HDAC9: variants seen among roughly 807,000 people sequenced by gnomAD.
The protein encoded by HDAC9 is histone deacetylase 9.
HDAC9 carries 41 observed loss-of-function variants against 139.4 expected under a neutral mutation model. The ratio of observed to expected loss-of-function variants is 0.29; its 90% CI spans 0.23 to 0.38. The LOEUF (loss-of-function observed/expected upper bound fraction) is 0.38. HDAC9 is among the 10% of genes least tolerant of loss of function. The pLI, the probability that HDAC9 is intolerant of heterozygous loss-of-function variation, is 1.00. For missense variants in HDAC9, 1,147 were observed against 1,297.0 expected, an observed-to-expected ratio of 0.88 and a Z score of 1.78; for synonymous variants, 517 against 476.2, an observed-to-expected ratio of 1.09 and a Z score of -1.12.
At position 18,997,863 on chromosome 7, in the gene HDAC9, ACTT is replaced by A. The variant is rs1786554035; in HGVS notation, c.*1805_*1807del. 1 of 152,136 alleles carries A rather than the reference ACTT, an allele frequency of 6.6e-6. No homozygotes were observed. Among genetic ancestry groups the A allele is most frequent in the African/African-American group, 2.4e-5 (1 of 41,450 alleles). The allele number at this position is 152,136 out of a possible 1,614,324, so 9.4% of individuals were successfully genotyped here. A position where few individuals can be genotyped will look rare whatever the true frequency, so the allele number is the denominator to read the frequency against. On this transcript the variant is annotated 3_prime_UTR_variant, in exon 26 of 26. Transcript: ENST00000686413. The stretch of plus-strand genomic sequence containing the variant: ...CAAAAATGGCTCAATACTTGGTTTA[ACTT>A]CTTAGAAATTTGAGACACCCTTTGA...
chr7:18,530,895 A>G (rs1398915096), intron 2 of HDAC9, among the ~76,000 whole-genome samples: 1 of 151,620 alleles, frequency 6.6e-6, no homozygotes, highest in Non-Finnish European at 1.5e-5. Context: ...CAATCGGTAT[A>G]TAAAGGCTTA....
intron 1 of HDAC9, among the ~76,000 whole-genome samples, chr7:18,140,740 A>G (rs902815666): frequency 6.6e-6 from 1 of 152,110 alleles, no homozygotes. Context: ...ATGTCACTGA[A>G]CATACACATA....
intron 15 of HDAC9, among the ~76,000 whole-genome samples, chr7:18,766,428 A>C (rs6959028): frequency 0.67 from 101,439 of 152,062 alleles, 35,043 homozygotes; most frequent in African/African-American, 0.86. Flanking sequence ...CAGTTTTGGG[A>C]ATATATTTTT....
chr7:18,394,681 A>G (rs1282670151), intron 1 of HDAC9, among the ~76,000 whole-genome samples: 1 of 152,060 alleles, frequency 6.6e-6, no homozygotes, highest in Non-Finnish European at 1.5e-5. Context: ...GGGCTAGTAC[A>G]ATAGACTACA....
intron 1 of HDAC9, among the ~76,000 whole-genome samples, chr7:18,292,017 G>A (rs1797841267): frequency 6.6e-6 from 1 of 152,102 alleles, no homozygotes; most frequent in East Asian, 1.9e-4. Flanking sequence ...AGGGCTGCAA[G>A]TTGCTCAGAT....
chr7:18,238,550 A>G (rs1029498017), intron 2 of HDAC9, among the ~76,000 whole-genome samples: 3 of 152,220 alleles, frequency 2.0e-5, no homozygotes, highest in Non-Finnish European at 4.4e-5. Flanking sequence ...GACCCTCTAT[A>G]TATAGAAGTT....
At chr7:18,926,774 G>A (rs1000618403) in intron 22 of HDAC9, among the ~76,000 whole-genome samples, 1 of 152,114 alleles carries the variant, frequency 6.6e-6, no homozygotes, top group Non-Finnish European at 1.5e-5. Context: ...TGTTGTTTCA[G>A]ACTTTTTTTA....
chr7:18,506,501 T>C (rs572728369), intron 2 of HDAC9, among the ~76,000 whole-genome samples: 97 of 152,228 alleles, frequency 6.4e-4, no homozygotes, highest in Non-Finnish European at 1.2e-3. Context: ...AGAATGATTC[T>C]ATTATTGAAA....
chr7:18,626,712 G>A (rs1841818428), intron 6 of HDAC9, among the ~76,000 whole-genome samples: 1 of 152,150 alleles, frequency 6.6e-6, no homozygotes, highest in Non-Finnish European at 1.5e-5. Context: ...AAAGAAATCT[G>A]AGAGCTCTAT....
At chr7:18,355,747 G>A (rs1009117530) in intron 1 of HDAC9, among the ~76,000 whole-genome samples, 7 of 152,126 alleles carry the variant, frequency 4.6e-5, no homozygotes, top group African/African-American at 1.2e-4. Flanking sequence ...CCCCCATTTC[G>A]TGACACTGAT....
chr7:18,928,417 C>G (rs1035275383), intron 22 of HDAC9, among the ~76,000 whole-genome samples: 1 of 152,220 alleles, frequency 6.6e-6, no homozygotes, highest in African/African-American at 2.4e-5. Context: ...AGCCCATGCT[C>G]TGGTGAAACA....
intron 1 of HDAC9, among the ~76,000 whole-genome samples, chr7:18,390,096 G>A (rs1246573129): frequency 2.9e-5 from 2 of 69,726 alleles, no homozygotes; most frequent in Non-Finnish European, 3.8e-5. Context: ...ACACACACAC[G>A]TCGTAGAGAA....
chr7:18,388,263 A>G (rs1484395733), intron 1 of HDAC9, among the ~76,000 whole-genome samples: 1 of 152,166 alleles, frequency 6.6e-6, no homozygotes, highest in Non-Finnish European at 1.5e-5. Flanking sequence ...TACCCCTGCC[A>G]TGACTCCCTG....
At chr7:18,309,088 T>C (rs912181270) in intron 1 of HDAC9, among the ~76,000 whole-genome samples, 13 of 152,118 alleles carry the variant, frequency 8.5e-5, no homozygotes, top group Admixed American at 7.9e-4. Flanking sequence ...CAATGCATAA[T>C]TGTGAGTTTA....
chr7:18,932,310 C>T (rs1259718886), intron 22 of HDAC9, among the ~76,000 whole-genome samples: 1 of 152,038 alleles, frequency 6.6e-6, no homozygotes, highest in Non-Finnish European at 1.5e-5. Flanking sequence ...AGGTCGGATG[C>T]CATGATAATT....
chr7:18,786,506 C>CCTTCCTTCT (rs1791763368), intron 16 of HDAC9, among the ~76,000 whole-genome samples: 2 of 126,042 alleles, frequency 1.6e-5, no homozygotes, highest in African/African-American at 6.4e-5. Context: ...TCCTTCCTTC[C>CCTTCCTTCT]TCTCTCTCAT....
chr7:18,325,267 C>T (rs775245459), intron 1 of HDAC9, among the ~76,000 whole-genome samples: 5 of 151,978 alleles, frequency 3.3e-5, no homozygotes, highest in Non-Finnish European at 7.4e-5. Context: ...CAAAAGAAAA[C>T]CCTATTTTTT....
chr7:18,885,243 A>G (rs1364977305), intron 22 of HDAC9, among the ~76,000 whole-genome samples: 4 of 152,152 alleles, frequency 2.6e-5, no homozygotes, highest in Admixed American at 1.3e-4. Context: ...ATGCCACCCA[A>G]CCTCTTGAAG....
At chr7:18,551,779 A>C (rs1455955287) in intron 2 of HDAC9, among the ~76,000 whole-genome samples, 1 of 152,198 alleles carries the variant, frequency 6.6e-6, no homozygotes, top group Non-Finnish European at 1.5e-5. Context: ...AACATTGTTT[A>C]AAATTGTTTT....
Sources: allele counts gnomAD v4.1 joint callset (sites outside exome capture counted in the v4.1 genomes callset), GRCh38; gene constraint gnomAD v4.1.1; transcripts MANE v1.5; gene names NCBI Gene and HGNC (gene_info 2026-07-23, HGNC 2026-07-21).